Variants in CFAP20DC observed in about 807,000 individuals in gnomAD.
The protein encoded by CFAP20DC is protein CFAP20DC.
A neutral mutation model predicts 101.7 loss-of-function variants in CFAP20DC; 84 were observed. That is an observed-to-expected ratio of 0.83 (90% CI 0.69 to 0.99). The LOEUF (loss-of-function observed/expected upper bound fraction) is 0.99. Ranked by LOEUF, CFAP20DC falls within the 50% of genes least tolerant of loss-of-function variation. The probability of loss-of-function intolerance (pLI) is 0.00; values close to 1 mark genes in which losing one functional copy is unlikely to be tolerated. For missense variants in CFAP20DC, 1,007 were observed against 970.3 expected (o/e 1.04, Z -0.50); for synonymous variants, 359 against 351.2 (o/e 1.02, Z -0.25).
At chr3:58,917,359 T>C (rs1404646816) in intron 5 of CFAP20DC, among the ~76,000 whole-genome samples, 22 of 152,176 alleles carry the variant, frequency 1.4e-4, no homozygotes, top group Admixed American at 1.4e-3. Context: ...TTTGATTCCC[T>C]ATGCTCCTAT....
At chr3:58,851,904 T>G (rs984275183) in intron 12 of CFAP20DC, among the ~76,000 whole-genome samples, 7 of 152,202 alleles carry the variant, frequency 4.6e-5, no homozygotes, top group Non-Finnish European at 8.8e-5. Context: ...AGCATTGTCG[T>G]GGTGGAGAAA....
chr3:58,886,561 A>T lies in CFAP20DC; in HGVS notation c.551-1852T>A, dbSNP rs190932011. Among the ~76,000 whole-genome samples the T allele has an allele frequency of 6.9e-3, 1,013 of 147,402 alleles. 14 individuals carry two copies. Among genetic ancestry groups the T allele is most frequent in the African/African-American group, 0.024 (947 of 39,936 alleles). The stretch of plus-strand genomic sequence containing the variant: ...ACATAGCCATACCCCATATATCTTT[A>T]AAAAAAAAACAAAAAAATTAGCTGG... On this transcript the variant is annotated intron_variant, in intron 6 of 16. Transcript: ENST00000482387.
chr3:58,920,931 A>G (rs1375467676), intron 5 of CFAP20DC, among the ~76,000 whole-genome samples: 1 of 152,094 alleles, frequency 6.6e-6, no homozygotes, highest in Non-Finnish European at 1.5e-5. Flanking sequence ...TATTTTTTGG[A>G]ATGTTTTTCA....
At chr3:58,980,761 C>T (rs1253122248) in intron 4 of CFAP20DC, among the ~76,000 whole-genome samples, 1 of 152,146 alleles carries the variant, frequency 6.6e-6, no homozygotes, top group Non-Finnish European at 1.5e-5. Flanking sequence ...ACTGAATGGG[C>T]AAAAACTAGA....
downstream of CFAP20DC, among the ~76,000 whole-genome samples, chr3:58,716,350 A>C (rs2067399446): frequency 6.6e-6 from 1 of 150,898 alleles, no homozygotes; most frequent in African/African-American, 2.4e-5. Context: ...TTTTTAGTAG[A>C]GACGGGGTTT....
chr3:59,018,078 G>A (rs1040917179), intron 4 of CFAP20DC: 1 of 152,060 alleles, frequency 6.6e-6, no homozygotes, highest in Non-Finnish European at 1.5e-5. Context: ...CACTCCAGGG[G>A]CTAGAGTGTG....
intron 3 of CFAP20DC, among the ~76,000 whole-genome samples, chr3:59,042,889 T>C (rs1576819026): frequency 6.6e-6 from 1 of 152,154 alleles, no homozygotes; most frequent in South Asian, 2.1e-4. Flanking sequence ...ACCTTCCAGA[T>C]AGACTGAATG....
chr3:58,782,747 A>G (rs1428206798), intron 15 of CFAP20DC, among the ~76,000 whole-genome samples: 2 of 152,102 alleles, frequency 1.3e-5, no homozygotes, highest in African/African-American at 4.8e-5. Flanking sequence ...CAAAACACTG[A>G]TGAAAGAAAT....
chr3:58,816,949 C>A (rs989656343), intron 14 of CFAP20DC, among the ~76,000 whole-genome samples: 2 of 152,178 alleles, frequency 1.3e-5, no homozygotes, highest in East Asian at 3.9e-4. Flanking sequence ...ATCTGAGAAC[C>A]AGCAGACTGC....
intron 14 of CFAP20DC, among the ~76,000 whole-genome samples, chr3:58,825,766 T>C (rs1418841515): frequency 6.6e-6 from 1 of 152,240 alleles, no homozygotes; most frequent in Admixed American, 6.5e-5. Context: ...TTGTTTTAAT[T>C]GAATTTGGTT....
At chr3:58,733,168 C>T (rs1667836718) in intron 3 of CFAP20DC, among the ~76,000 whole-genome samples, 1 of 152,084 alleles carries the variant, frequency 6.6e-6, no homozygotes, top group East Asian at 1.9e-4. Flanking sequence ...CCCGTGTCAA[C>T]TAAAAATACA....
At position 59,007,992 on chromosome 3, in the gene CFAP20DC, T is replaced by C. The variant is rs984119185; in HGVS notation, c.278+31565A>G. On this transcript the variant is annotated intron_variant, in intron 4 of 16. Coordinates refer to ENST00000482387, the MANE Select transcript of CFAP20DC (RefSeq NM_001394063.1). This position sits in a 1 kb window ranked among gnomAD's most constrained non-coding sequence, Gnocchi z 4.4. ...AACAGACAGGCAGCCTCTGTGATCA[T>C]GAAAGGCATTAGAGAAAGGGTCCTT... is the stretch of plus-strand genomic sequence containing the variant. Among the ~76,000 whole-genome samples the C allele has an allele frequency of 1.3e-5, 2 of 152,182 alleles. No homozygotes were observed. Among genetic ancestry groups the C allele is most frequent in the African/African-American group, 4.8e-5 (2 of 41,436 alleles).
intron 5 of CFAP20DC, among the ~76,000 whole-genome samples, chr3:58,924,082 A>C (rs1180066576): frequency 6.6e-6 from 1 of 152,108 alleles, no homozygotes. Context: ...GAATGCAAAA[A>C]ATTTTTTAAA....
intron 4 of CFAP20DC, among the ~76,000 whole-genome samples, chr3:59,028,006 A>T (rs927551247): frequency 6.6e-6 from 1 of 152,254 alleles, no homozygotes; most frequent in African/African-American, 2.4e-5. Flanking sequence ...GTAAAAAGCA[A>T]GTAGGTCTTT....
At chr3:58,941,391 T>C (rs2088563061) in intron 4 of CFAP20DC, among the ~76,000 whole-genome samples, 1 of 149,058 alleles carries the variant, frequency 6.7e-6, no homozygotes, top group Admixed American at 6.7e-5. Context: ...GGTTCTAGTA[T>C]ATAGACATTC....
At chr3:58,764,244 C>T (rs1201250136) in intron 15 of CFAP20DC, among the ~76,000 whole-genome samples, 1 of 152,212 alleles carries the variant, frequency 6.6e-6, no homozygotes, top group Non-Finnish European at 1.5e-5. Flanking sequence ...GGAGGGCGCC[C>T]CTCCTCCAGC....
chr3:58,914,421 T>C lies in CFAP20DC; in HGVS notation c.394-557A>G, dbSNP rs2084462213. On this transcript the variant is annotated intron_variant, in intron 5 of 16. Transcript: ENST00000482387. This position sits in a 1 kb window ranked among gnomAD's most constrained non-coding sequence, Gnocchi z 4.9. ...TATTTGCCAGTTTTTAAAGTACTCT[T>C]GCAGGGACTAATTTCTGCGCATTAA... 2.0e-5 allele frequency among the ~76,000 whole-genome samples: 3 copies of C among 152,254 alleles called. No homozygotes were observed. The South Asian group carries it at 6.2e-4, about 32-fold the overall frequency.
intron 15 of CFAP20DC, among the ~76,000 whole-genome samples, chr3:58,760,761 T>A (rs1354442328): frequency 6.6e-6 from 1 of 152,244 alleles, no homozygotes; most frequent in African/African-American, 2.4e-5. Flanking sequence ...TTGAATTTTG[T>A]CAAAGGACTT....
At chr3:58,940,161 T>C (rs2088332079) in intron 4 of CFAP20DC, among the ~76,000 whole-genome samples, 1 of 152,204 alleles carries the variant, frequency 6.6e-6, no homozygotes. Context: ...TACAAGAACA[T>C]TCATTTGTTC....
Sources: gnomAD v4.1 joint callset for allele counts (sites outside exome capture counted in the v4.1 genomes callset) on GRCh38, gnomAD v4.1.1 for gene constraint, Gnocchi (gnomAD v3.1) non-coding constraint, MANE v1.5 for transcripts, NCBI Gene and HGNC (gene_info 2026-07-23, HGNC 2026-07-21) for gene names.